The following GPC5 variants were observed in gnomAD, a reference collection of about 807,000 sequenced individuals.
GPC5 encodes the protein glypican 5.
Under a neutral mutation model 53.9 loss-of-function variants are expected in GPC5, and 47 were observed. The ratio of observed to expected loss-of-function variants is 0.87; its 90% CI spans 0.69 to 1.11. The LOEUF (loss-of-function observed/expected upper bound fraction) is 1.11. GPC5 is among the 50% of genes most tolerant of loss of function. GPC5 has a pLI of 0.00. For missense variants in GPC5, 748 were observed against 713.1 expected, an observed-to-expected ratio of 1.05 and a Z score of -0.56; for synonymous variants, 286 against 263.3, an observed-to-expected ratio of 1.09 and a Z score of -0.84.
intron 1 of GPC5, among the ~76,000 whole-genome samples, chr13:91,419,314 T>C (rs1373807157): frequency 6.6e-6 from 1 of 152,130 alleles, no homozygotes; most frequent in Non-Finnish European, 1.5e-5. Flanking sequence ...AGCACAAGCA[T>C]AAAAATAATC....
At chr13:92,481,112 T>A (rs1879337392) in intron 7 of GPC5, among the ~76,000 whole-genome samples, 1 of 152,092 alleles carries the variant, frequency 6.6e-6, no homozygotes, top group Admixed American at 6.6e-5. Context: ...TTGCATTTTT[T>A]TTTTTTGAGA....
At position 91,534,699 on chromosome 13, in the gene GPC5, A is replaced by G. The variant is rs1423309196; in HGVS notation, c.325+85777A>G. On this transcript the variant is annotated intron_variant, in intron 2 of 7. Coordinates refer to ENST00000377067, the MANE Select transcript of GPC5 (RefSeq NM_004466.6). Reference sequence around the variant, plus strand: ...TTGTCCCATCCTTAATTTTTTGACCACACTCATTAACCATATCTAACACAT... The same window carrying G: ...TTGTCCCATCCTTAATTTTTTGACCGCACTCATTAACCATATCTAACACAT... Among the ~76,000 whole-genome samples, 3 of 152,304 alleles carry G rather than the reference A, an allele frequency of 2.0e-5. No individual in the cohort carries two copies. The East Asian group carries it at 5.8e-4, about 29-fold the overall frequency.
At chr13:92,744,885 T>C (rs1045844837) in intron 7 of GPC5, among the ~76,000 whole-genome samples, 22 of 152,172 alleles carry the variant, frequency 1.4e-4, no homozygotes, top group African/African-American at 5.3e-4. Context: ...GAGATACCCA[T>C]TCCACTGTAT....
intron 5 of GPC5, among the ~76,000 whole-genome samples, chr13:91,897,088 A>C (rs2138979274): frequency 6.6e-6 from 1 of 151,990 alleles, no homozygotes; most frequent in East Asian, 1.9e-4. Flanking sequence ...TAAAATATAT[A>C]AATTTTTATT....
At chr13:92,122,089 C>T (rs2041654404) in intron 6 of GPC5, among the ~76,000 whole-genome samples, 2 of 152,104 alleles carry the variant, frequency 1.3e-5, no homozygotes, top group South Asian at 2.1e-4. Context: ...CATGGTATAC[C>T]GAAATATAGC....
intron 7 of GPC5, among the ~76,000 whole-genome samples, chr13:92,257,430 A>C (rs1334993509): frequency 6.6e-6 from 1 of 151,814 alleles, no homozygotes; most frequent in Non-Finnish European, 1.5e-5. Context: ...TTTTACTTAT[A>C]TCTTAATTCA....
intron 7 of GPC5, among the ~76,000 whole-genome samples, chr13:92,215,999 C>A (rs1411450235): frequency 6.6e-6 from 1 of 152,134 alleles, no homozygotes; most frequent in Non-Finnish European, 1.5e-5. Flanking sequence ...TGTTTGGATG[C>A]CCTTCCTCCC....
chr13:92,350,057 C>T (rs1248879652), intron 7 of GPC5, among the ~76,000 whole-genome samples: 1 of 152,094 alleles, frequency 6.6e-6, no homozygotes, highest in Non-Finnish European at 1.5e-5. Context: ...GTGTTTCTCT[C>T]GAGACACAGG....
chr13:92,145,096 G>C lies in GPC5; in HGVS notation c.1561+107G>C, dbSNP rs994247430. 2.2e-5 allele frequency: 22 copies of C among 1,017,824 alleles called. No homozygotes were observed. The African/African-American group carries it at 3.4e-4, about 16-fold the overall frequency. 63.0% of individuals were successfully genotyped at this position (1,017,824 alleles called of 1,614,324 possible). ...ATAATGACAATTCAAAAACAAGCAA[G>C]AGGAATTGGAAATGGAAATGAATCT... On this transcript the variant is annotated intron_variant, in intron 7 of 7. Coordinates refer to ENST00000377067, the MANE Select transcript of GPC5 (RefSeq NM_004466.6).
At chr13:91,991,275 G>C (rs946299525) in intron 6 of GPC5, among the ~76,000 whole-genome samples, 2 of 152,158 alleles carry the variant, frequency 1.3e-5, no homozygotes, top group Non-Finnish European at 2.9e-5. Context: ...AGGACTAAAC[G>C]AAGGAATTTC....
chr13:91,981,428 T>A (rs1202221031), intron 6 of GPC5, among the ~76,000 whole-genome samples: 3 of 152,056 alleles, frequency 2.0e-5, no homozygotes, highest in African/African-American at 4.8e-5. Flanking sequence ...TAGCTGGGAC[T>A]ACAGGTGCCC....
intron 7 of GPC5, among the ~76,000 whole-genome samples, chr13:92,592,340 T>A (rs1162185219): frequency 6.6e-6 from 1 of 151,826 alleles, no homozygotes; most frequent in Non-Finnish European, 1.5e-5. Flanking sequence ...GTATAGTGTA[T>A]GTGTCTAAGA....
intron 2 of GPC5, among the ~76,000 whole-genome samples, chr13:91,540,024 A>C (rs1336049980): frequency 6.6e-6 from 1 of 152,210 alleles, no homozygotes; most frequent in East Asian, 1.9e-4. Context: ...AAGCAACAAA[A>C]ATTTTAAAAT....
At position 91,928,221 on chromosome 13, in the gene GPC5, C is replaced by G. The variant is rs1361694536; in HGVS notation, c.1401+20164C>G. On this transcript the variant is annotated intron_variant, in intron 6 of 7. Coordinates refer to ENST00000377067, the MANE Select transcript of GPC5 (RefSeq NM_004466.6). Reference sequence around the variant, plus strand: ...ACTCTCCTTCCCCATCCTAATCTGCCAGATTGTCCTCTAAATATCAGTTCC... The same window carrying G: ...ACTCTCCTTCCCCATCCTAATCTGCGAGATTGTCCTCTAAATATCAGTTCC... Among the ~76,000 whole-genome samples the G allele has an allele frequency of 2.0e-5, 3 of 152,268 alleles. No individual in the cohort carries two copies. The East Asian group carries it at 5.8e-4, about 29-fold the overall frequency.
intron 1 of GPC5, among the ~76,000 whole-genome samples, chr13:91,412,822 AC>A (rs745322598): frequency 6.6e-6 from 1 of 152,236 alleles, no homozygotes; most frequent in Non-Finnish European, 1.5e-5. Context: ...AATGCTGAAT[AC>A]CCTTTGCCCA....
intron 7 of GPC5, among the ~76,000 whole-genome samples, chr13:92,426,859 C>A (rs1450924388): frequency 2.0e-5 from 3 of 151,918 alleles, no homozygotes; most frequent in Non-Finnish European, 2.9e-5. Flanking sequence ...GATTTATCTA[C>A]TTAACTGTAG....
At chr13:91,949,822 G>GA (rs111562875) in intron 6 of GPC5, among the ~76,000 whole-genome samples, 92,679 of 151,890 alleles carry the variant, frequency 0.61, 28,799 homozygotes, top group East Asian at 0.74. Flanking sequence ...TGGTAGAAAG[G>GA]AAAAAAATTC....
intron 7 of GPC5, among the ~76,000 whole-genome samples, chr13:92,400,628 TAAG>T (rs1195597236): frequency 2.0e-5 from 3 of 152,220 alleles, no homozygotes; most frequent in Non-Finnish European, 4.4e-5. Context: ...TACTCTGCAA[TAAG>T]AAGTTGTCTC....
intron 7 of GPC5, among the ~76,000 whole-genome samples, chr13:92,498,647 A>T (rs573359473): frequency 1.1e-3 from 168 of 151,542 alleles, no homozygotes; most frequent in African/African-American, 3.9e-3. Flanking sequence ...AGGGTGGGAG[A>T]CTCTCCTGCC....
Sources: gnomAD v4.1 joint callset for allele counts (sites outside exome capture counted in the v4.1 genomes callset) on GRCh38, gnomAD v4.1.1 for gene constraint, MANE v1.5 for transcripts, NCBI Gene and HGNC (gene_info 2026-07-23, HGNC 2026-07-21) for gene names.